Variants in NEBL observed in about 807,000 individuals in gnomAD.
NEBL encodes the protein LIM and SH3 protein 2.
In NEBL, 122 loss-of-function variants were observed where a neutral mutation model predicts 140.2. The observed-to-expected ratio is 0.87, with a 90% confidence interval of 0.75 to 1.01. The LOEUF is 1.01. NEBL is among the 50% of genes least tolerant of loss of function. The pLI, the probability that NEBL is intolerant of heterozygous loss-of-function variation, is 0.00. For synonymous variants in NEBL, 436 were observed against 398.9 expected (o/e 1.09, Z -1.11); for missense variants, 1,365 against 1,231.3 (o/e 1.11, Z -1.62).
chr10:20,871,168 A>G (rs995632094), intron 5 of NEBL, among the ~76,000 whole-genome samples: 1 of 152,222 alleles, frequency 6.6e-6, no homozygotes, highest in African/African-American at 2.4e-5. Context: ...GGACATCTGT[A>G]CAAAATGCAC....
At chr10:21,044,268 G>A (rs1834400607) in intron 2 of NEBL, among the ~76,000 whole-genome samples, 1 of 151,802 alleles carries the variant, frequency 6.6e-6, no homozygotes, top group African/African-American at 2.4e-5. Context: ...GTGGTGGTGG[G>A]CGCCTGTAAT....
intron 4 of NEBL, among the ~76,000 whole-genome samples, chr10:20,954,660 T>C (rs566612765): frequency 3.3e-5 from 5 of 152,174 alleles, no homozygotes; most frequent in Non-Finnish European, 5.9e-5. Context: ...GCTTCCTGCC[T>C]CATAGTTCGA....
At chr10:21,196,251 C>T (rs1450265631) in intron 3 of NEBL, among the ~76,000 whole-genome samples, 1 of 151,918 alleles carries the variant, frequency 6.6e-6, no homozygotes, top group Non-Finnish European at 1.5e-5. Context: ...ATCTGCCTGC[C>T]TTAGCCTCCC....
intron 2 of NEBL, chr10:21,146,436 G>A (rs745832130): frequency 9.3e-6 from 15 of 1,613,476 alleles, no homozygotes; most frequent in African/African-American, 1.3e-5. Flanking sequence ...TAAGCTAGAG[G>A]ACAGCCAATA....
At chr10:20,900,475 C>A (rs952880923), upstream of NEBL, among the ~76,000 whole-genome samples, 1 of 151,880 alleles carries the variant, frequency 6.6e-6, no homozygotes, top group East Asian at 1.9e-4. Context: ...GTCAGGAGTT[C>A]GAGACCAGCC....
chr10:20,888,055 G>T, intron 4 of NEBL, 42 bp downstream of exon 4: 1 of 1,353,380 alleles, frequency 7.4e-7, no homozygotes, highest in Non-Finnish European at 1.1e-6. Flanking sequence ...CCAGTTATAT[G>T]TTTTATCTAC....
intron 4 of NEBL, among the ~76,000 whole-genome samples, chr10:20,940,863 A>G (rs1295436481): frequency 7.2e-5 from 11 of 152,208 alleles, no homozygotes; most frequent in Non-Finnish European, 1.6e-4. Context: ...CTCAACACAT[A>G]CAAACTCCCA....
chr10:21,279,706 C>A (rs1480321004), intron 1 of NEBL, among the ~76,000 whole-genome samples: 1 of 150,570 alleles, frequency 6.6e-6, no homozygotes, highest in Non-Finnish European at 1.5e-5. Context: ...TGCAGTGAGC[C>A]AAGATCGCAT....
At chr10:21,050,786 T>A (rs1462820471) in intron 2 of NEBL, among the ~76,000 whole-genome samples, 1 of 152,226 alleles carries the variant, frequency 6.6e-6, no homozygotes, top group Non-Finnish European at 1.5e-5. Flanking sequence ...TCTAGAGTGA[T>A]GTGGTGTCTC....
At chr10:21,283,073 T>C (rs1588598396) in intron 1 of NEBL, among the ~76,000 whole-genome samples, 3 of 150,336 alleles carry the variant, frequency 2.0e-5, no homozygotes, top group African/African-American at 7.4e-5. Flanking sequence ...GAGGCAGAGG[T>C]TGCAGTGAGC....
chr10:21,111,206 C>T (rs1211182721), intron 2 of NEBL, among the ~76,000 whole-genome samples: 1 of 152,172 alleles, frequency 6.6e-6, no homozygotes, highest in African/African-American at 2.4e-5. Flanking sequence ...CCCCAGCAAG[C>T]TATCACTGAC....
chr10:20,898,622 A>G (rs1847687247), upstream of NEBL, among the ~76,000 whole-genome samples: 1 of 151,422 alleles, frequency 6.6e-6, no homozygotes, highest in South Asian at 2.1e-4. Flanking sequence ...TCTGTACCCC[A>G]GTCTCTGTCC....
intron 2 of NEBL, among the ~76,000 whole-genome samples, chr10:21,142,872 C>T (rs943287205): frequency 1.3e-5 from 2 of 152,070 alleles, no homozygotes; most frequent in African/African-American, 4.8e-5. Context: ...ATCCTCCTGC[C>T]CCCCACCCCC....
At chr10:21,159,884 A>G (rs1217196087) in intron 2 of NEBL, among the ~76,000 whole-genome samples, 6 of 152,204 alleles carry the variant, frequency 3.9e-5, no homozygotes, top group Non-Finnish European at 5.9e-5. Flanking sequence ...GTGGCTATGC[A>G]TTGGTACAGA....
intron 2 of NEBL, among the ~76,000 whole-genome samples, chr10:21,068,049 T>C (rs1423567460): frequency 2.0e-5 from 3 of 152,172 alleles, no homozygotes; most frequent in Non-Finnish European, 2.9e-5. Flanking sequence ...CAAATGGAAG[T>C]TGAAATACTT....
chr10:20,827,819 G>A (rs1840027026), intron 17 of NEBL, among the ~76,000 whole-genome samples: 1 of 152,092 alleles, frequency 6.6e-6, no homozygotes, highest in African/African-American at 2.4e-5. Context: ...AACTAATGCA[G>A]GAACAGAAAA....
At chr10:21,096,610 C>T (rs1287924729) in intron 2 of NEBL, among the ~76,000 whole-genome samples, 2 of 152,010 alleles carry the variant, frequency 1.3e-5, no homozygotes, top group East Asian at 3.9e-4. Context: ...AGCTCCTGGG[C>T]TCATGCAACC....
intron 2 of NEBL, among the ~76,000 whole-genome samples, chr10:21,169,571 G>C (rs1369280918): frequency 6.6e-6 from 1 of 152,172 alleles, no homozygotes; most frequent in Non-Finnish European, 1.5e-5. Flanking sequence ...CAGACTGACA[G>C]CAGGGACCTT....
At chr10:21,280,087 G>A (rs1323823554) in intron 1 of NEBL, among the ~76,000 whole-genome samples, 2 of 152,094 alleles carry the variant, frequency 1.3e-5, no homozygotes, top group African/African-American at 2.4e-5. Flanking sequence ...TCTTCTGATT[G>A]AGGCTGCCTA....
Sources: allele counts gnomAD v4.1 joint callset (sites outside exome capture counted in the v4.1 genomes callset), GRCh38; gene constraint gnomAD v4.1.1; transcripts MANE v1.5; gene names NCBI Gene and HGNC (gene_info 2026-07-23, HGNC 2026-07-21).